Variants in PPP2R3A observed in about 807,000 individuals in gnomAD.
PPP2R3A encodes the protein protein phosphatase 2 regulatory subunit B''alpha.
PPP2R3A carries 80 observed loss-of-function variants against 106.9 expected under a neutral mutation model. That is an observed-to-expected ratio of 0.75 (90% CI 0.62 to 0.90). PPP2R3A has a LOEUF of 0.90. PPP2R3A is among the 40% of genes least tolerant of loss of function. PPP2R3A has a pLI of 0.00. For synonymous variants in PPP2R3A, 483 were observed against 468.3 expected (o/e 1.03, Z -0.41); for missense variants, 1,386 against 1,350.4 (o/e 1.03, Z -0.41).
chr3:136,091,509 C>T (rs1014177822), intron 10 of PPP2R3A, among the ~76,000 whole-genome samples: 19 of 152,018 alleles, frequency 1.2e-4, no homozygotes, highest in African/African-American at 3.6e-4. Flanking sequence ...CCTAGCTACT[C>T]GAGAAGCTGA....
intron 1 of PPP2R3A, among the ~76,000 whole-genome samples, chr3:135,968,047 C>G (rs559189306): frequency 1.6e-4 from 24 of 152,300 alleles, no homozygotes; most frequent in Admixed American, 5.2e-4. Flanking sequence ...TGTGAGCAGA[C>G]TGCTGCCTTA....
chr3:136,078,503 C>A (rs1318243929), intron 7 of PPP2R3A, 50 bp downstream of exon 7: 1 of 1,214,902 alleles, frequency 8.2e-7, no homozygotes, highest in Non-Finnish European at 1.2e-6. Flanking sequence ...AGATAATTTT[C>A]TTACTTTATT....
intron 5 of PPP2R3A, among the ~76,000 whole-genome samples, chr3:136,066,557 G>C (rs1282082067): frequency 1.3e-5 from 2 of 152,148 alleles, no homozygotes; most frequent in Non-Finnish European, 2.9e-5. Flanking sequence ...AGTTCTGCAG[G>C]CTTTACAGGA....
chr3:136,078,244 C>T, intron 6 of PPP2R3A, 123 bp from the exon 7 acceptor site: 1 of 697,634 alleles, frequency 1.4e-6, no homozygotes, highest in Non-Finnish European at 2.5e-6. Flanking sequence ...CTAGGAATTA[C>T]ACTTAACATA....
intron 3 of PPP2R3A, among the ~76,000 whole-genome samples, chr3:136,030,776 A>ATG (rs1559878119): frequency 3.8e-4 from 47 of 124,450 alleles, no homozygotes; most frequent in Non-Finnish European, 5.6e-4. Flanking sequence ...ATATATATAT[A>ATG]TATATGTATG....
intron 1 of PPP2R3A, among the ~76,000 whole-genome samples, chr3:135,966,300 T>G (rs1937082759): frequency 6.6e-6 from 1 of 152,196 alleles, no homozygotes; most frequent in African/African-American, 2.4e-5. Context: ...GCTGAGGCTT[T>G]CTTTTCCTTC....
chr3:136,004,309 G>A (rs143962462), intron 2 of PPP2R3A, among the ~76,000 whole-genome samples: 1 of 152,298 alleles, frequency 6.6e-6, no homozygotes, highest in Non-Finnish European at 1.5e-5. Context: ...TCCAACATGG[G>A]TTAGCAAGAG....
intron 2 of PPP2R3A, among the ~76,000 whole-genome samples, chr3:136,004,124 G>T (rs1413179692): frequency 6.6e-6 from 1 of 152,188 alleles, no homozygotes; most frequent in African/African-American, 2.4e-5. Context: ...TGATTCTCCA[G>T]GCAACTGAGA....
chr3:136,096,063 AAT>A (rs1937208322), intron 10 of PPP2R3A, among the ~76,000 whole-genome samples: 1 of 152,214 alleles, frequency 6.6e-6, no homozygotes, highest in South Asian at 2.1e-4. Context: ...CCTACTTTAT[AAT>A]AAAGTATTGA....
intron 8 of PPP2R3A, among the ~76,000 whole-genome samples, chr3:136,087,243 G>GTCTCTC (rs1491461536): frequency 1.0e-3 from 76 of 75,088 alleles, no homozygotes; most frequent in Non-Finnish European, 1.7e-3. Flanking sequence ...GTCTCTAGTC[G>GTCTCTC]TGTCTCTCTC....
chr3:135,985,326 C>A (rs957421900), intron 1 of PPP2R3A, among the ~76,000 whole-genome samples: 2 of 149,086 alleles, frequency 1.3e-5, no homozygotes, highest in African/African-American at 4.9e-5. Context: ...TCCCCCTTTC[C>A]CTTTCTCTCT....
chr3:136,006,623 T>G (rs1409870477), intron 2 of PPP2R3A, among the ~76,000 whole-genome samples: 9 of 152,224 alleles, frequency 5.9e-5, no homozygotes, highest in Admixed American at 5.9e-4. Context: ...GACTGAAGTT[T>G]GTCAACCCAT....
intron 13 of PPP2R3A, among the ~76,000 whole-genome samples, chr3:136,110,338 AAG>A (rs918864287): frequency 2.0e-5 from 3 of 152,328 alleles, no homozygotes; most frequent in South Asian, 2.1e-4. Context: ...TCAAAGGAAT[AAG>A]AGAGAATATC....
chr3:136,116,604 A>G (rs1036865994), intron 13 of PPP2R3A, among the ~76,000 whole-genome samples: 1 of 152,242 alleles, frequency 6.6e-6, no homozygotes, highest in Non-Finnish European at 1.5e-5. Context: ...AGTCTCTGAT[A>G]AAACAGACTT....
intron 13 of PPP2R3A, among the ~76,000 whole-genome samples, chr3:136,141,655 C>G (rs1669697801): frequency 6.6e-6 from 1 of 152,290 alleles, no homozygotes; most frequent in Non-Finnish European, 1.5e-5. Context: ...TGAACACAAG[C>G]TAGCCAAAGA....
intron 5 of PPP2R3A, among the ~76,000 whole-genome samples, chr3:136,057,642 G>A (rs1417028378): frequency 6.6e-6 from 1 of 152,072 alleles, no homozygotes; most frequent in Non-Finnish European, 1.5e-5. Context: ...AAATGGTGAA[G>A]AATCTGAATA....
intron 8 of PPP2R3A, among the ~76,000 whole-genome samples, chr3:136,086,139 A>G (rs893878586): frequency 3.3e-5 from 5 of 151,614 alleles, no homozygotes; most frequent in Admixed American, 1.3e-4. Flanking sequence ...AAAGAAAAAA[A>G]AAAAGGTTTG....
intron 2 of PPP2R3A, among the ~76,000 whole-genome samples, chr3:136,010,170 A>G (rs997678726): frequency 5.9e-5 from 9 of 151,950 alleles, no homozygotes; most frequent in African/African-American, 2.2e-4. Flanking sequence ...TACCCATATC[A>G]GTACTAAATA....
chr3:136,032,948 T>C (rs1262964372), intron 3 of PPP2R3A, among the ~76,000 whole-genome samples: 2 of 152,220 alleles, frequency 1.3e-5, no homozygotes, highest in African/African-American at 4.8e-5. Context: ...ATCCTTGTCT[T>C]GTTCCAGTTC....
Sources: gnomAD v4.1 joint callset for allele counts (sites outside exome capture counted in the v4.1 genomes callset) on GRCh38, gnomAD v4.1.1 for gene constraint, MANE v1.5 for transcripts, NCBI Gene and HGNC (gene_info 2026-07-23, HGNC 2026-07-21) for gene names.